Variants in DNAH9 observed in about 807,000 individuals in gnomAD.
The protein encoded by DNAH9 is dynein axonemal heavy chain 9, also known as DNAH9 variant protein.
In DNAH9, 345 loss-of-function variants were observed where a neutral mutation model predicts 471.6. The ratio of observed to expected loss-of-function variants is 0.73; its 90% CI spans 0.67 to 0.80. DNAH9 has a LOEUF of 0.80. DNAH9 is among the 30% of genes least tolerant of loss of function. DNAH9 has a pLI of 0.00. For synonymous variants in DNAH9, 2,093 were observed against 2,123.6 expected (o/e 0.99, Z 0.40); for missense variants, 5,407 against 5,609.2 (o/e 0.96, Z 1.15).
At chr17:11,660,755 G>A (rs901173176) in intron 14 of DNAH9, among the ~76,000 whole-genome samples, 2 of 152,202 alleles carry the variant, frequency 1.3e-5, no homozygotes, top group African/African-American at 4.8e-5. Context: ...AAGATACTCT[G>A]TAAGCTTTCA....
Position 11,807,882 on chromosome 17 carries a change from C to T in DNAH9, c.8571C>T (p.Ile2857=). ...TCACACTGCGCAAAGGCTACCAGAT[C>T]CAGGACTTCAAGGTAAAAGGTCAGG... ...FQITLRKGYQ[I]QDFKMDLASL... is the part of the protein sequence containing the mutation. The change falls in exon 44 of 69, where the codon ATC becomes ATT. Residue 2857 remains isoleucine, a synonymous_variant. Transcript: ENST00000262442. 1.9e-6 allele frequency: 3 copies of T among 1,604,920 alleles called. No homozygotes were observed. The highest frequency in any genetic ancestry group is 1.7e-6 in the Non-Finnish European group (2 of 1,172,616).
At chr17:11,645,092 G>A (rs1212872493) in intron 11 of DNAH9, among the ~76,000 whole-genome samples, 3 of 152,164 alleles carry the variant, frequency 2.0e-5, no homozygotes, top group Admixed American at 6.5e-5. Flanking sequence ...TATTGAGAAA[G>A]CATAAGAGTG....
chr17:11,931,639 G>A (rs1249760425), intron 63 of DNAH9, among the ~76,000 whole-genome samples: 2 of 152,116 alleles, frequency 1.3e-5, no homozygotes, highest in Non-Finnish European at 2.9e-5. Context: ...AGAAAAGCAT[G>A]GTAGGAAGGG....
intron 43 of DNAH9, among the ~76,000 whole-genome samples, chr17:11,807,009 G>T (rs947107315): frequency 2.0e-5 from 3 of 152,084 alleles, no homozygotes; most frequent in African/African-American, 7.2e-5. Flanking sequence ...AGAAGATGAG[G>T]TCTGGAATAG....
chr17:11,819,487 G>A (rs1291440402), intron 45 of DNAH9, among the ~76,000 whole-genome samples: 2 of 151,742 alleles, frequency 1.3e-5, no homozygotes, highest in Admixed American at 6.6e-5. Flanking sequence ...GCGCAATCTC[G>A]GCTCACTGCA....
At chr17:11,611,858 G>T in intron 4 of DNAH9, 78 bp downstream of exon 4, 2 of 1,436,872 alleles carry the variant, frequency 1.4e-6, no homozygotes, top group Non-Finnish European at 2.0e-6. Flanking sequence ...CTCTCTGTCT[G>T]AATTCCGCAA....
intron 1 of DNAH9, among the ~76,000 whole-genome samples, chr17:11,602,767 C>T (rs2079721): frequency 0.023 from 3,536 of 152,206 alleles, 138 homozygotes; most frequent in African/African-American, 0.081. Context: ...ATAAGCAGCC[C>T]CTCCCATGGC....
intron 7 of DNAH9, among the ~76,000 whole-genome samples, chr17:11,630,966 C>T (rs879406097): frequency 5.9e-5 from 9 of 152,092 alleles, no homozygotes; most frequent in Non-Finnish European, 8.8e-5. Flanking sequence ...ATGTTTTAAG[C>T]TTCGGGCAAA....
intron 17 of DNAH9, among the ~76,000 whole-genome samples, chr17:11,676,474 G>C (rs1033253589): frequency 5.3e-5 from 8 of 151,300 alleles, no homozygotes; most frequent in African/African-American, 1.9e-4. Context: ...GTAGAGACAG[G>C]GTTTCTCCAT....
intron 48 of DNAH9, among the ~76,000 whole-genome samples, chr17:11,824,878 C>CTTCTCT (rs1173958198): frequency 6.6e-6 from 1 of 151,878 alleles, no homozygotes; most frequent in African/African-American, 2.4e-5. Flanking sequence ...TCTCCTTCTC[C>CTTCTCT]TTCTCCTTCT....
chr17:11,894,692 G>A (rs991112111), intron 59 of DNAH9, among the ~76,000 whole-genome samples, 196 bp downstream of exon 59: 3 of 152,166 alleles, frequency 2.0e-5, no homozygotes, highest in Non-Finnish European at 4.4e-5. Context: ...GCAGGTGCAT[G>A]CTGGTGTATG....
chr17:11,940,008 A>C (rs1008804069), intron 66 of DNAH9, among the ~76,000 whole-genome samples: 6 of 152,200 alleles, frequency 3.9e-5, no homozygotes, highest in Non-Finnish European at 1.5e-5. Flanking sequence ...ATACCAAAAA[A>C]CCAATAGTTG....
At chr17:11,641,436 G>C (rs56816503) in intron 10 of DNAH9, among the ~76,000 whole-genome samples, 53,065 of 151,904 alleles carry the variant, frequency 0.35, 9,470 homozygotes, top group Middle Eastern at 0.43. Context: ...TGCCCAGCGG[G>C]TGACCCATTT....
chr17:11,651,389 G>C, intron 13 of DNAH9, 65 bp downstream of exon 13: 1 of 1,493,870 alleles, frequency 6.7e-7, no homozygotes, highest in Non-Finnish European at 9.0e-7. Context: ...AAAGTTCATA[G>C]AACCTCCAAT....
At chr17:11,924,003 TG>T (rs1419707308) in intron 62 of DNAH9, 62 bp downstream of exon 62, 3 of 1,579,322 alleles carry the variant, frequency 1.9e-6, no homozygotes, top group Non-Finnish European at 2.6e-6. Flanking sequence ...CCACACTCAC[TG>T]GGCATCTCCA....
Position 11,801,952 on chromosome 17 carries a change from A to G in DNAH9, c.8420+4159A>G, listed in dbSNP as rs1969478240. On this transcript the variant is annotated intron_variant, in intron 43 of 68. Coordinates refer to ENST00000262442, the MANE Select transcript of DNAH9 (RefSeq NM_001372.4). Reference sequence around the variant, plus strand: ...GCTTTCTTCCATAGGCTTATAAACAAACTCTGAAGTTAGTATCCAAAGAGA... The same window carrying G: ...GCTTTCTTCCATAGGCTTATAAACAGACTCTGAAGTTAGTATCCAAAGAGA... 3.3e-5 allele frequency among the ~76,000 whole-genome samples: 5 copies of G among 152,234 alleles called. No homozygotes were observed. The South Asian group carries it at 1.0e-3, about 32-fold the overall frequency.
intron 26 of DNAH9, among the ~76,000 whole-genome samples, chr17:11,713,688 A>G (rs1241854222): frequency 1.3e-5 from 2 of 152,066 alleles, no homozygotes; most frequent in African/African-American, 4.8e-5. Flanking sequence ...TTTATCTTTA[A>G]CTTTCTTTTC....
At chr17:11,931,949 C>A in intron 63 of DNAH9, 65 bp from the exon 64 acceptor site, 1 of 1,562,206 alleles carries the variant, frequency 6.4e-7, no homozygotes. Flanking sequence ...ATTGTAACCT[C>A]ACCCTAGCCA....
chr17:11,935,663 C>G (rs571789660), intron 65 of DNAH9, among the ~76,000 whole-genome samples: 2 of 152,088 alleles, frequency 1.3e-5, no homozygotes, highest in Non-Finnish European at 2.9e-5. Flanking sequence ...CGTGAGCCAC[C>G]GCGCCCGGCC....
Sources: allele counts gnomAD v4.1 joint callset (sites outside exome capture counted in the v4.1 genomes callset), GRCh38; gene constraint gnomAD v4.1.1; transcripts MANE v1.5; gene names NCBI Gene and HGNC (gene_info 2026-07-23, HGNC 2026-07-21).